The following USO1 variants were observed in gnomAD, a reference collection of about 807,000 sequenced individuals.
USO1 encodes USO1 vesicle transport factor.
USO1 carries 57 observed loss-of-function variants against 124.5 expected under a neutral mutation model. The ratio of observed to expected loss-of-function variants is 0.46; its 90% CI spans 0.37 to 0.57. USO1 has a LOEUF of 0.57. USO1 is among the 20% of genes least tolerant of loss of function. USO1 has a pLI of 0.00. For missense variants in USO1, 900 were observed against 1,040.6 expected, an observed-to-expected ratio of 0.86 and a Z score of 1.86; for synonymous variants, 369 against 362.8, an observed-to-expected ratio of 1.02 and a Z score of -0.19.
At chr4:75,751,793 T>C (rs1235245141) in intron 1 of USO1, among the ~76,000 whole-genome samples, 1 of 151,622 alleles carries the variant, frequency 6.6e-6, no homozygotes, top group Non-Finnish European at 1.5e-5. Context: ...GATCGCATTG[T>C]CGCACTCCAG....
At chr4:75,727,733 T>A (rs1720505049) in intron 1 of USO1, among the ~76,000 whole-genome samples, 1 of 152,194 alleles carries the variant, frequency 6.6e-6, no homozygotes, top group Admixed American at 6.5e-5. Context: ...AAAATTAAAT[T>A]TTTTTCATGG....
intron 23 of USO1, 51 bp downstream of exon 23, chr4:75,812,426 G>A: frequency 1.3e-6 from 2 of 1,511,900 alleles, no homozygotes; most frequent in Non-Finnish European, 1.8e-6. Context: ...TTAGTATAAT[G>A]CATTTAAAAG....
intron 4 of USO1, among the ~76,000 whole-genome samples, chr4:75,769,213 C>T (rs1400906985): frequency 6.6e-6 from 1 of 152,172 alleles, no homozygotes; most frequent in African/African-American, 2.4e-5. Context: ...TCCTTACTCA[C>T]TGACAGTGTG....
At chr4:75,728,533 T>C (rs1720529211) in intron 1 of USO1, among the ~76,000 whole-genome samples, 1 of 152,038 alleles carries the variant, frequency 6.6e-6, no homozygotes, top group African/African-American at 2.4e-5. Context: ...GCCTATAATC[T>C]CAGCTACTCA....
intron 1 of USO1, among the ~76,000 whole-genome samples, chr4:75,734,725 T>TTTA (rs1720739214): frequency 8.2e-6 from 1 of 121,332 alleles, no homozygotes; most frequent in Admixed American, 8.5e-5. Flanking sequence ...TGGCTTTTTT[T>TTTA]TTTTTTTTTT....
intron 1 of USO1, among the ~76,000 whole-genome samples, chr4:75,742,863 C>T (rs892129430): frequency 1.3e-5 from 2 of 152,174 alleles, no homozygotes; most frequent in Non-Finnish European, 2.9e-5. Flanking sequence ...TTCAGATGAC[C>T]AGTGAGTTTA....
Position 75,810,416 on chromosome 4 carries a change from C to T in USO1, c.2476-16C>T, listed in dbSNP as rs1257245986. On this transcript the variant is annotated splice_polypyrimidine_tract_variant and intron_variant, in intron 21 of 23. Coordinates refer to ENST00000514213, the MANE Select transcript of USO1 (RefSeq NM_003715.4). ...AATGTTTAAGAGACATCTTTTTTTC[C>T]AATTTCTAATTTCAGGCAAAATCAG... is the stretch of plus-strand genomic sequence containing the variant. 6.3e-7 allele frequency: 1 copy of T among 1,585,724 alleles called. No homozygotes were observed.
chr4:75,759,374 A>C (rs1312355804), intron 4 of USO1, among the ~76,000 whole-genome samples: 1 of 149,122 alleles, frequency 6.7e-6, no homozygotes, highest in Non-Finnish European at 1.5e-5. Flanking sequence ...CGGGTGGATC[A>C]CTTGAGGTCA....
At chr4:75,769,738 ATCT>A (rs1721868158) in intron 4 of USO1, among the ~76,000 whole-genome samples, 1 of 118,938 alleles carries the variant, frequency 8.4e-6, no homozygotes, top group South Asian at 2.9e-4. Flanking sequence ...ATTTTTAGTG[ATCT>A]TTTTTTTTTT....
chr4:75,806,173 G>A (rs1226030228), intron 19 of USO1, among the ~76,000 whole-genome samples: 1 of 152,014 alleles, frequency 6.6e-6, no homozygotes, highest in Non-Finnish European at 1.5e-5. Context: ...TTGTATTTTA[G>A]TAGAGATAGG....
intron 1 of USO1, among the ~76,000 whole-genome samples, chr4:75,749,147 T>G (rs1721224750): frequency 6.6e-6 from 1 of 152,112 alleles, no homozygotes; most frequent in African/African-American, 2.4e-5. Flanking sequence ...AAATCAGCAA[T>G]TGTAAAGACT....
Position 75,813,536 on chromosome 4 carries a change from G to A in USO1, c.*241G>A, listed in dbSNP as rs945601435. 3.2e-6 allele frequency: 1 copy of A among 316,414 alleles called. No homozygotes were observed. Among genetic ancestry groups the A allele is most frequent in the Non-Finnish European group, 5.6e-6 (1 of 180,078 alleles). The allele number at this position is 316,414 out of a possible 1,614,324, so 19.6% of individuals were successfully genotyped here. ...ACTGTCCCAAAATGTAATTTGCAAA[G>A]AGCTTCAAACACCAAAAATATACCA... On this transcript the variant is annotated 3_prime_UTR_variant, in exon 24 of 24. Coordinates refer to ENST00000514213, the MANE Select transcript of USO1 (RefSeq NM_003715.4).
intron 13 of USO1, among the ~76,000 whole-genome samples, chr4:75,797,458 C>G (rs547606407): frequency 2.6e-5 from 3 of 115,166 alleles, no homozygotes; most frequent in African/African-American, 9.2e-5. Flanking sequence ...CCTGCTTGTT[C>G]GTGATCCATT....
At chr4:75,757,282 C>T (rs1721475144) in intron 3 of USO1, among the ~76,000 whole-genome samples, 1 of 151,988 alleles carries the variant, frequency 6.6e-6, no homozygotes, top group Non-Finnish European at 1.5e-5. Context: ...ATGAATTTGC[C>T]ATACTGTGTT....
chr4:75,793,333 C>G (rs1204209217), intron 12 of USO1, among the ~76,000 whole-genome samples: 1 of 151,658 alleles, frequency 6.6e-6, no homozygotes, highest in Middle Eastern at 3.2e-3. Flanking sequence ...GCCTTAGCCT[C>G]CCGAGTAGCT....
At chr4:75,726,705 C>T (rs1380645134) in intron 1 of USO1, among the ~76,000 whole-genome samples, 1 of 152,244 alleles carries the variant, frequency 6.6e-6, no homozygotes, top group African/African-American at 2.4e-5. Context: ...TGGCTTCACT[C>T]ATCCATTCCC....
Position 75,804,006 on chromosome 4 carries a change from A to C in USO1, c.1987-128A>C, listed in dbSNP as rs1013405308. 4.1e-6 allele frequency: 5 copies of C among 1,215,462 alleles called. No homozygotes were observed. The Admixed American group carries it at 1.7e-4, about 42-fold the overall frequency. The allele number at this position is 1,215,462 out of a possible 1,614,324, so 75.3% of individuals were successfully genotyped here. ...ACACACCAAGTTGCTTAATTACTGA[A>C]CGATTTTGGAAGTGTTAAGCACTTT... On this transcript the variant is annotated intron_variant, in intron 17 of 23. Coordinates refer to ENST00000514213, the MANE Select transcript of USO1 (RefSeq NM_003715.4).
intron 4 of USO1, among the ~76,000 whole-genome samples, chr4:75,760,137 G>A (rs922398535): frequency 2.6e-5 from 4 of 152,134 alleles, no homozygotes; most frequent in East Asian, 3.9e-4. Context: ...GCTTGAACCC[G>A]GGAGGCGGAG....
intron 8 of USO1, among the ~76,000 whole-genome samples, chr4:75,782,447 T>C (rs1047502631): frequency 3.9e-5 from 6 of 152,158 alleles, no homozygotes; most frequent in Admixed American, 3.3e-4. Flanking sequence ...AGATAAACAA[T>C]GAGTTACTAA....
Sources: allele counts gnomAD v4.1 joint callset (sites outside exome capture counted in the v4.1 genomes callset), GRCh38; gene constraint gnomAD v4.1.1; transcripts MANE v1.5; gene names NCBI Gene and HGNC (gene_info 2026-07-23, HGNC 2026-07-21).